The following CPEB3 variants were observed in gnomAD, a reference collection of about 807,000 sequenced individuals.
CPEB3 encodes the protein cytoplasmic polyadenylation element binding protein 3.
CPEB3 carries 20 observed loss-of-function variants against 67.2 expected under a neutral mutation model. The ratio of observed to expected loss-of-function variants is 0.30; its 90% CI spans 0.21 to 0.43. The LOEUF (loss-of-function observed/expected upper bound fraction) is 0.43. Among genes scored for constraint, CPEB3 ranks in the 20% least tolerant of loss-of-function variants. CPEB3 has a pLI of 1.00. For synonymous variants in CPEB3, 376 were observed against 393.1 expected (o/e 0.96, Z 0.51); for missense variants, 746 against 968.6 (o/e 0.77, Z 3.05).
intron 6 of CPEB3, among the ~76,000 whole-genome samples, chr10:92,141,285 G>A (rs2133816753): frequency 6.6e-6 from 1 of 151,356 alleles, no homozygotes; most frequent in South Asian, 2.1e-4. Flanking sequence ...TATACACCAT[G>A]GAATACTATG....
intron 9 of CPEB3, among the ~76,000 whole-genome samples, chr10:92,059,070 T>C (rs1408085501): frequency 6.6e-6 from 1 of 152,182 alleles, no homozygotes; most frequent in Non-Finnish European, 1.5e-5. Flanking sequence ...CTCATGCCTG[T>C]AATCCCAGCA....
intron 3 of CPEB3, among the ~76,000 whole-genome samples, chr10:92,187,847 G>T (rs1848765225): frequency 6.6e-6 from 1 of 152,164 alleles, no homozygotes. Flanking sequence ...ACAGAGAACA[G>T]TTGCTCCCTC....
chr10:92,101,895 G>A, intron 7 of CPEB3, among the ~76,000 whole-genome samples: 1 of 152,164 alleles, frequency 6.6e-6, no homozygotes, highest in East Asian at 1.9e-4. Context: ...GTGACAGAGA[G>A]AGACTCTGTC....
chr10:92,153,508 G>A (rs1376792763), intron 4 of CPEB3, among the ~76,000 whole-genome samples: 3 of 151,980 alleles, frequency 2.0e-5, no homozygotes, highest in African/African-American at 7.3e-5. Flanking sequence ...AGCATGGGCT[G>A]GGTGCAGTGG....
intron 9 of CPEB3, among the ~76,000 whole-genome samples, chr10:92,071,913 C>G (rs1842768489): frequency 6.6e-6 from 1 of 152,096 alleles, no homozygotes; most frequent in African/African-American, 2.4e-5. Context: ...GCTTTTACAT[C>G]TTAAGAGTTC....
intron 1 of CPEB3, among the ~76,000 whole-genome samples, chr10:92,289,168 G>A (rs148297510): frequency 4.9e-4 from 75 of 152,238 alleles, no homozygotes; most frequent in Non-Finnish European, 8.4e-4. Flanking sequence ...ACCTGAACCC[G>A]GAGGAGGAGA....
At chr10:92,140,788 AAAAC>A (rs1442975877) in intron 6 of CPEB3, among the ~76,000 whole-genome samples, 4 of 114,338 alleles carry the variant, frequency 3.5e-5, no homozygotes, top group East Asian at 4.9e-4. Flanking sequence ...TTACAAGAAA[AAAAC>A]AAACAACCCC....
chr10:92,058,423 A>C (rs544901622), intron 9 of CPEB3, among the ~76,000 whole-genome samples: 2 of 152,086 alleles, frequency 1.3e-5, no homozygotes, highest in South Asian at 4.2e-4. Flanking sequence ...GTGGCAAGTA[A>C]CTGTAATCCC....
At chr10:92,244,194 A>G (rs528400116) in intron 1 of CPEB3, among the ~76,000 whole-genome samples, 60 of 151,970 alleles carry the variant, frequency 3.9e-4, no homozygotes, top group Non-Finnish European at 6.8e-4. Flanking sequence ...TAAAAATACA[A>G]AAATTAGCTG....
At chr10:92,111,217 G>A (rs201037277) in intron 6 of CPEB3, 23 bp from the exon 7 acceptor site, 1 of 1,432,314 alleles carries the variant, frequency 7.0e-7, no homozygotes, top group East Asian at 2.3e-5. Context: ...AAAAACAAAA[G>A]GGTAGAGGAA....
intron 9 of CPEB3, among the ~76,000 whole-genome samples, chr10:92,055,848 T>G (rs1842089570): frequency 6.6e-6 from 1 of 152,090 alleles, no homozygotes; most frequent in Non-Finnish European, 1.5e-5. Flanking sequence ...GAGACTAGCC[T>G]GGGCAACAAC....
intron 6 of CPEB3, among the ~76,000 whole-genome samples, chr10:92,127,704 G>A (rs1450783207): frequency 5.3e-5 from 8 of 152,026 alleles, no homozygotes; most frequent in African/African-American, 2.4e-5. Flanking sequence ...AAAAGAAATG[G>A]GGGAAGAGGG....
At position 92,154,157 on chromosome 10, in the gene CPEB3, C is replaced by T. The variant is rs545400072; in HGVS notation, c.1223-9072G>A. On this transcript the variant is annotated intron_variant, in intron 4 of 9. Coordinates refer to ENST00000265997, the MANE Select transcript of CPEB3 (RefSeq NM_014912.5). The stretch of plus-strand genomic sequence containing the variant: ...TAGGCAAAAGTCTTAAATGACACTA[C>T]CTGGTAGACTAGTTTCTAACAGGGG... 5.9e-5 allele frequency among the ~76,000 whole-genome samples: 9 copies of T among 152,302 alleles called. No homozygotes were observed. The East Asian group carries it at 1.7e-3, about 29-fold the overall frequency.
intron 4 of CPEB3, among the ~76,000 whole-genome samples, chr10:92,176,865 T>C (rs1343812065): frequency 6.6e-6 from 1 of 152,262 alleles, no homozygotes; most frequent in Non-Finnish European, 1.5e-5. Flanking sequence ...TTGTCGAACC[T>C]GCGTCCCGCA....
intron 1 of CPEB3, among the ~76,000 whole-genome samples, chr10:92,264,623 CAAG>C (rs1014371225): frequency 2.7e-5 from 4 of 146,678 alleles, no homozygotes; most frequent in Admixed American, 7.1e-5. Flanking sequence ...GGCTGAGGCA[CAAG>C]AATTGCTTGA....
At chr10:92,075,215 T>C (rs1842889752) in intron 9 of CPEB3, among the ~76,000 whole-genome samples, 1 of 152,162 alleles carries the variant, frequency 6.6e-6, no homozygotes, top group African/African-American at 2.4e-5. Context: ...TTCAGAAGTT[T>C]CCCCCAAGAG....
At chr10:92,273,295 T>A (rs1027228758) in intron 1 of CPEB3, among the ~76,000 whole-genome samples, 4 of 152,190 alleles carry the variant, frequency 2.6e-5, no homozygotes, top group Non-Finnish European at 5.9e-5. Context: ...AACAACTGTA[T>A]AACTACTGAT....
intron 2 of CPEB3, among the ~76,000 whole-genome samples, chr10:92,220,579 T>TAAA (rs540480746): frequency 1.1e-4 from 15 of 134,408 alleles, no homozygotes; most frequent in African/African-American, 3.9e-4. Flanking sequence ...ACTGCCATGT[T>TAAA]AAAAAAAAAA....
At chr10:92,172,965 A>C (rs931793555) in intron 4 of CPEB3, among the ~76,000 whole-genome samples, 1 of 152,196 alleles carries the variant, frequency 6.6e-6, no homozygotes, top group East Asian at 1.9e-4. Context: ...GGTGGACTGG[A>C]TATTCTCTAA....
Sources: gnomAD v4.1 joint callset for allele counts (sites outside exome capture counted in the v4.1 genomes callset) on GRCh38, gnomAD v4.1.1 for gene constraint, MANE v1.5 for transcripts, NCBI Gene and HGNC (gene_info 2026-07-23, HGNC 2026-07-21) for gene names.